CIMIP6: variants seen among roughly 807,000 people sequenced by gnomAD.
CIMIP6 encodes the protein uncharacterized protein C2orf73.
the CIMIP6 span, chr2:54,334,939 A>G: frequency 6.3e-7 from 1 of 1,598,750 alleles, no homozygotes; most frequent in Non-Finnish European, 8.5e-7. Context: ...GGACGTATAT[A>G]TTATGCTAAA....
At chr2:54,348,521 A>G in the CIMIP6 span, among the ~76,000 whole-genome samples, 1 of 152,336 alleles carries the variant, frequency 6.6e-6, no homozygotes, top group East Asian at 1.9e-4. Flanking sequence ...TATTAGTTAA[A>G]TGATAATTAT....
At chr2:54,358,783 C>T in the CIMIP6 span, among the ~76,000 whole-genome samples, 1 of 138,812 alleles carries the variant, frequency 7.2e-6, no homozygotes, top group East Asian at 1.9e-4. Context: ...TTTGATTTGG[C>T]TCTTTTCATG....
the CIMIP6 span, among the ~76,000 whole-genome samples, chr2:54,335,916 TTCTC>T: frequency 6.6e-6 from 1 of 152,164 alleles, no homozygotes; most frequent in African/African-American, 2.4e-5. Context: ...CTTCAAATCT[TTCTC>T]TGACCCACTC....
At chr2:54,333,240 G>C in the CIMIP6 span, among the ~76,000 whole-genome samples, 1 of 152,182 alleles carries the variant, frequency 6.6e-6, no homozygotes, top group African/African-American at 2.4e-5. Flanking sequence ...ATAAAAAATT[G>C]TGGTGTTAAT....
At chr2:54,379,544 G>A in the CIMIP6 span, among the ~76,000 whole-genome samples, 1 of 152,104 alleles carries the variant, frequency 6.6e-6, no homozygotes, top group Admixed American at 6.5e-5. Flanking sequence ...CCCTTATTTA[G>A]GAGGGCAAAG....
At chr2:54,341,033 C>T in the CIMIP6 span, among the ~76,000 whole-genome samples, 104 of 152,196 alleles carry the variant, frequency 6.8e-4, 4 homozygotes, top group South Asian at 0.02. Context: ...TCGCTTATCC[C>T]AGAGCCATTT....
chr2:54,371,927 C>A, the CIMIP6 span, among the ~76,000 whole-genome samples: 1 of 152,150 alleles, frequency 6.6e-6, no homozygotes, highest in African/African-American at 2.4e-5. Context: ...GGGTCTGGGT[C>A]CTTTATCTGT....
the CIMIP6 span, among the ~76,000 whole-genome samples, chr2:54,350,011 G>A: frequency 2.6e-5 from 4 of 151,864 alleles, no homozygotes; most frequent in Non-Finnish European, 5.9e-5. Flanking sequence ...CATCATGCCC[G>A]GCTAATTTTT....
the CIMIP6 span, among the ~76,000 whole-genome samples, chr2:54,348,378 C>A: frequency 5.9e-5 from 9 of 152,264 alleles, no homozygotes; most frequent in Admixed American, 3.9e-4. Context: ...AGCTCAAGAA[C>A]CTGGCATGAT....
the CIMIP6 span, chr2:54,360,463 G>A: frequency 6.3e-7 from 1 of 1,582,232 alleles, no homozygotes; most frequent in Non-Finnish European, 8.6e-7. Flanking sequence ...GCACTCCTGA[G>A]AGCAGAGAAA....
the CIMIP6 span, chr2:54,359,054 A>C: frequency 1.3e-6 from 2 of 1,529,026 alleles, no homozygotes; most frequent in Non-Finnish European, 1.8e-6. Flanking sequence ...AAAAACTCCG[A>C]ATGAGCCTCT....
the CIMIP6 span, among the ~76,000 whole-genome samples, chr2:54,379,527 C>T: frequency 6.6e-6 from 1 of 152,000 alleles, no homozygotes; most frequent in Non-Finnish European, 1.5e-5. Flanking sequence ...GTCTAAGTTT[C>T]GAGAATCCCT....
the CIMIP6 span, among the ~76,000 whole-genome samples, chr2:54,371,582 G>A: frequency 6.6e-6 from 1 of 152,240 alleles, no homozygotes; most frequent in Admixed American, 6.5e-5. Flanking sequence ...CAGCAGGGAG[G>A]CTGGGTGCCT....
chr2:54,345,350 G>C, the CIMIP6 span, among the ~76,000 whole-genome samples: 3 of 152,122 alleles, frequency 2.0e-5, no homozygotes, highest in South Asian at 6.2e-4. Context: ...AGGAAGATAA[G>C]GGTGAGTTTA....
chr2:54,348,250 G>A, the CIMIP6 span, among the ~76,000 whole-genome samples: 20 of 152,264 alleles, frequency 1.3e-4, no homozygotes, highest in Non-Finnish European at 2.5e-4. Flanking sequence ...CAGGATTGTT[G>A]TGAGAAACAA....
chr2:54,348,382 G>A, the CIMIP6 span, among the ~76,000 whole-genome samples: 1 of 152,072 alleles, frequency 6.6e-6, no homozygotes, highest in Non-Finnish European at 1.5e-5. Flanking sequence ...CAAGAACCTG[G>A]CATGATTCTC....
At chr2:54,371,522 G>A in the CIMIP6 span, among the ~76,000 whole-genome samples, 1 of 152,220 alleles carries the variant, frequency 6.6e-6, no homozygotes, top group African/African-American at 2.4e-5. Flanking sequence ...CTGGGGAAAG[G>A]GCTATACCCC....
At chr2:54,378,753 A>C in the CIMIP6 span, among the ~76,000 whole-genome samples, 4 of 152,210 alleles carry the variant, frequency 2.6e-5, no homozygotes, top group African/African-American at 9.6e-5. Flanking sequence ...ACTCTGTTTA[A>C]ATCAAACTCC....
chr2:54,334,094 T>G, the CIMIP6 span, among the ~76,000 whole-genome samples: 2 of 152,198 alleles, frequency 1.3e-5, no homozygotes, highest in Admixed American at 6.5e-5. Flanking sequence ...GTATTCAAAT[T>G]CATATATTTC....
Sources: allele counts gnomAD v4.1 joint callset (sites outside exome capture counted in the v4.1 genomes callset), GRCh38; gene constraint gnomAD v4.1.1; transcripts MANE v1.5; gene names NCBI Gene and HGNC (gene_info 2026-07-23, HGNC 2026-07-21).